CACNA2D3: variants seen among roughly 807,000 people sequenced by gnomAD.
CACNA2D3 encodes the protein calcium voltage-gated channel auxiliary subunit alpha2delta 3.
Under a neutral mutation model 160.6 loss-of-function variants are expected in CACNA2D3, and 60 were observed. The observed-to-expected ratio is 0.37, with a 90% CI of 0.30 to 0.46. The LOEUF (loss-of-function observed/expected upper bound fraction) is 0.46. Among genes scored for constraint, CACNA2D3 ranks in the 20% least tolerant of loss-of-function variants. CACNA2D3 has a pLI of 1.00. For missense variants in CACNA2D3, 1,205 were observed against 1,365.0 expected (o/e 0.88, Z 1.85); for synonymous variants, 558 against 492.9 (o/e 1.13, Z -1.75).
rs143985887 is a variant in CACNA2D3 at position 55,027,695 on chromosome 3, A to G, written c.2987+9378A>G. Among the ~76,000 whole-genome samples, 811 of 152,294 alleles carry G rather than the reference A, an allele frequency of 5.3e-3. 10 individuals carry two copies. Among genetic ancestry groups the G allele is most frequent in the African/African-American group, 0.019 (769 of 41,534 alleles). ...TAACACAATTCTGCAGCGTTTGGCC[A>G]GGAGTGCGCTGGAAATTGAGTTTGG... On this transcript the variant is annotated intron_variant, in intron 35 of 37. Coordinates refer to ENST00000474759, the MANE Select transcript of CACNA2D3 (RefSeq NM_018398.3).
intron 14 of CACNA2D3, among the ~76,000 whole-genome samples, chr3:54,829,647 G>A (rs1322501625): frequency 2.0e-5 from 3 of 152,050 alleles, no homozygotes; most frequent in Non-Finnish European, 4.4e-5. Flanking sequence ...GGACATGGGT[G>A]ACATTTCTTC....
At chr3:54,820,813 G>A (rs1471651051) in intron 14 of CACNA2D3, among the ~76,000 whole-genome samples, 2 of 152,044 alleles carry the variant, frequency 1.3e-5, no homozygotes, top group Admixed American at 6.5e-5. Context: ...TAATAACATA[G>A]CAGAATTACC....
chr3:54,164,092 T>C (rs774674687), intron 2 of CACNA2D3, among the ~76,000 whole-genome samples: 1 of 152,126 alleles, frequency 6.6e-6, no homozygotes, highest in Non-Finnish European at 1.5e-5. Flanking sequence ...GAGGAGATGC[T>C]GGGGAGACAG....
intron 3 of CACNA2D3, among the ~76,000 whole-genome samples, chr3:54,345,144 G>A (rs1053873177): frequency 1.3e-5 from 2 of 152,222 alleles, no homozygotes; most frequent in African/African-American, 4.8e-5. Flanking sequence ...TTCTCTGTCT[G>A]TGGAGTAGCC....
At chr3:54,983,207 G>A (rs1160665678) in intron 29 of CACNA2D3, among the ~76,000 whole-genome samples, 1 of 152,220 alleles carries the variant, frequency 6.6e-6, no homozygotes, top group African/African-American at 2.4e-5. Flanking sequence ...TTTCCACAAT[G>A]ATATAAATGT....
intron 2 of CACNA2D3, among the ~76,000 whole-genome samples, chr3:54,170,264 G>A (rs1320460526): frequency 6.6e-5 from 10 of 151,816 alleles, no homozygotes; most frequent in Non-Finnish European, 2.9e-5. Context: ...GTACCCAGGC[G>A]GTTCTGCCAA....
chr3:54,370,358 A>T (rs909257806), intron 3 of CACNA2D3, among the ~76,000 whole-genome samples: 1 of 152,234 alleles, frequency 6.6e-6, no homozygotes, highest in Non-Finnish European at 1.5e-5. Context: ...ATATTTATTT[A>T]GCGTTTCTTG....
intron 14 of CACNA2D3, among the ~76,000 whole-genome samples, chr3:54,821,007 A>G (rs1436471926): frequency 1.3e-5 from 2 of 152,150 alleles, no homozygotes; most frequent in Admixed American, 6.5e-5. Flanking sequence ...TTTAAAGTCA[A>G]AAATACTCTT....
chr3:54,408,668 G>GACT (rs1392412616), intron 4 of CACNA2D3, among the ~76,000 whole-genome samples: 3 of 152,146 alleles, frequency 2.0e-5, no homozygotes, highest in African/African-American at 7.2e-5. Context: ...GTAGAATGGA[G>GACT]ACTAGCCTCA....
At chr3:54,645,749 T>C (rs1261659411) in intron 11 of CACNA2D3, among the ~76,000 whole-genome samples, 1 of 152,114 alleles carries the variant, frequency 6.6e-6, no homozygotes, top group Non-Finnish European at 1.5e-5. Context: ...AACTCAAAAC[T>C]CCCTAGGAAC....
In CACNA2D3 at chr3:54,903,938, T is replaced by G. The variant is rs561769724; in HGVS notation, c.2449+4070T>G. ...TCTCTTGTAAATTTGTTTAAGTTCC[T>G]TATAGATACTGGACATTAGACTTTT... On this transcript the variant is annotated intron_variant, in intron 27 of 37. Coordinates refer to ENST00000474759, the MANE Select transcript of CACNA2D3 (RefSeq NM_018398.3). Among the ~76,000 whole-genome samples the G allele has an allele frequency of 5.3e-5, 8 of 152,348 alleles. No individual in the cohort carries two copies. In the South Asian group the frequency reaches 1.7e-3, roughly 32 times the overall value.
chr3:54,437,993 C>G (rs1208932993), intron 4 of CACNA2D3, among the ~76,000 whole-genome samples: 1 of 152,084 alleles, frequency 6.6e-6, no homozygotes, highest in Non-Finnish European at 1.5e-5. Context: ...GATATTTACA[C>G]AGTGTATATA....
At chr3:54,177,596 A>G (rs548501679) in intron 2 of CACNA2D3, among the ~76,000 whole-genome samples, 1 of 152,264 alleles carries the variant, frequency 6.6e-6, no homozygotes, top group African/African-American at 2.4e-5. Context: ...TACGAGTTTC[A>G]TTTTTAGGAA....
intron 13 of CACNA2D3, among the ~76,000 whole-genome samples, chr3:54,773,977 C>G (rs1041847236): frequency 1.3e-5 from 2 of 152,180 alleles, no homozygotes; most frequent in African/African-American, 4.8e-5. Flanking sequence ...TTGCAACTGT[C>G]TGTAATGAAA....
chr3:54,919,976 C>T (rs1002637418), intron 27 of CACNA2D3, among the ~76,000 whole-genome samples: 3 of 152,140 alleles, frequency 2.0e-5, no homozygotes, highest in Admixed American at 6.5e-5. Context: ...GCCCTCGGCA[C>T]TGTCTGCTAG....
intron 4 of CACNA2D3, among the ~76,000 whole-genome samples, chr3:54,450,904 G>A (rs1244670933): frequency 6.6e-6 from 1 of 152,092 alleles, no homozygotes; most frequent in Non-Finnish European, 1.5e-5. Flanking sequence ...CTCCATTTGT[G>A]GATCTGAGAA....
intron 13 of CACNA2D3, among the ~76,000 whole-genome samples, chr3:54,775,432 G>GGGA (rs1238526578): frequency 3.3e-5 from 5 of 152,178 alleles, no homozygotes; most frequent in African/African-American, 1.2e-4. Context: ...ACGAAGCCCA[G>GGGA]TTGCTTGGCC....
chr3:54,299,138 T>G (rs558198143), intron 2 of CACNA2D3, among the ~76,000 whole-genome samples: 3 of 151,928 alleles, frequency 2.0e-5, no homozygotes, highest in Admixed American at 2.0e-4. Flanking sequence ...TGGCTTGTTG[T>G]GAGAACTTGG....
intron 11 of CACNA2D3, among the ~76,000 whole-genome samples, chr3:54,732,015 A>T (rs950850421): frequency 1.3e-5 from 2 of 151,994 alleles, no homozygotes; most frequent in African/African-American, 4.8e-5. Context: ...ATCATCTTCA[A>T]ATGTTTGTGG....
Sources: gnomAD v4.1 joint callset for allele counts (sites outside exome capture counted in the v4.1 genomes callset) on GRCh38, gnomAD v4.1.1 for gene constraint, MANE v1.5 for transcripts, NCBI Gene and HGNC (gene_info 2026-07-23, HGNC 2026-07-21) for gene names.